Variants in SEL1L3 observed in about 807,000 individuals in gnomAD.
SEL1L3 encodes the protein protein sel-1 homolog 3.
A neutral mutation model predicts 142.8 loss-of-function variants in SEL1L3; 76 were observed. The observed-to-expected ratio is 0.53, with a 90% CI of 0.44 to 0.64. SEL1L3 has a LOEUF of 0.64. SEL1L3 is among the 30% of genes least tolerant of loss of function. SEL1L3 has a pLI of 0.00. For missense variants in SEL1L3, 1,262 were observed against 1,381.7 expected (o/e 0.91, Z 1.37); for synonymous variants, 504 against 519.6 (o/e 0.97, Z 0.41).
intron 2 of SEL1L3, among the ~76,000 whole-genome samples, chr4:25,839,520 A>C (rs1716039793): frequency 6.6e-6 from 1 of 152,244 alleles, no homozygotes; most frequent in Admixed American, 6.5e-5. Context: ...TGAGGTCGGC[A>C]GCATGTCCTG....
intron 23 of SEL1L3, chr4:25,756,286 C>T (rs1717953093): frequency 4.1e-6 from 4 of 985,152 alleles, no homozygotes; most frequent in South Asian, 4.7e-5. Flanking sequence ...AGACCGGAGT[C>T]GTCTGTGGGT....
At chr4:25,726,357 G>A in the SEL1L3 span, among the ~76,000 whole-genome samples, 3 of 151,748 alleles carry the variant, frequency 2.0e-5, no homozygotes, top group East Asian at 1.9e-4. Flanking sequence ...GTGAAACCCC[G>A]TCTCTACTAA....
chr4:25,807,360 T>C (rs1713660524), intron 9 of SEL1L3, among the ~76,000 whole-genome samples: 2 of 152,196 alleles, frequency 1.3e-5, no homozygotes, highest in African/African-American at 4.8e-5. Context: ...GCCTGCGGAA[T>C]CTTGTCTTGG....
intron 8 of SEL1L3, among the ~76,000 whole-genome samples, chr4:25,818,964 C>T (rs1480945917): frequency 2.6e-5 from 4 of 152,098 alleles, no homozygotes; most frequent in Non-Finnish European, 5.9e-5. Context: ...AGATGCATCC[C>T]TCCCTCCACG....
chr4:25,829,578 C>T (rs1715312075), intron 6 of SEL1L3, among the ~76,000 whole-genome samples: 1 of 152,160 alleles, frequency 6.6e-6, no homozygotes, highest in South Asian at 2.1e-4. Context: ...TTATGAAACA[C>T]AGGCAGGAAA....
intron 12 of SEL1L3, among the ~76,000 whole-genome samples, chr4:25,789,048 A>G (rs1305281604): frequency 6.6e-6 from 1 of 152,180 alleles, no homozygotes. Flanking sequence ...TCCCAGAGCT[A>G]TACATTGGAA....
downstream of SEL1L3, among the ~76,000 whole-genome samples, chr4:25,742,773 T>C (rs1274461558): frequency 1.3e-5 from 2 of 152,204 alleles, no homozygotes; most frequent in South Asian, 2.1e-4. Context: ...TTTTTTTAAA[T>C]TGGCATTTTG....
At chr4:25,863,056 C>G (rs1456125250), upstream of SEL1L3, 3 of 142,706 alleles carry the variant, frequency 2.1e-5, no homozygotes, top group Non-Finnish European at 3.0e-5. Context: ...TCCCCGTCCC[C>G]GTCCCCTCCC....
intron 7 of SEL1L3, among the ~76,000 whole-genome samples, chr4:25,820,386 T>G (rs1356486204): frequency 6.6e-6 from 1 of 152,234 alleles, no homozygotes; most frequent in Non-Finnish European, 1.5e-5. Context: ...GCCCCCCTAG[T>G]GGCTCACCCC....
intron 13 of SEL1L3, among the ~76,000 whole-genome samples, chr4:25,787,944 G>T (rs150367216): frequency 1.3e-5 from 2 of 152,206 alleles, no homozygotes; most frequent in Admixed American, 1.3e-4. Context: ...GCGGCTGAGC[G>T]CCAATCAATA....
chr4:25,793,015 G>T (rs1006500647), intron 11 of SEL1L3, among the ~76,000 whole-genome samples: 3 of 152,184 alleles, frequency 2.0e-5, no homozygotes, highest in Non-Finnish European at 4.4e-5. Flanking sequence ...GATGTGCCAG[G>T]CACTGTCCTA....
At chr4:25,841,978 C>G (rs539835763) in intron 2 of SEL1L3, among the ~76,000 whole-genome samples, 1 of 152,026 alleles carries the variant, frequency 6.6e-6, no homozygotes, top group South Asian at 2.1e-4. Context: ...TAGATAACCA[C>G]GTAAACCACA....
intron 17 of SEL1L3, among the ~76,000 whole-genome samples, chr4:25,768,547 A>G (rs1208904086): frequency 2.0e-5 from 3 of 152,222 alleles, no homozygotes; most frequent in Non-Finnish European, 2.9e-5. Flanking sequence ...AAGAATGTAC[A>G]TACCATGTGG....
At chr4:25,845,662 T>C (rs1240597602) in intron 2 of SEL1L3, among the ~76,000 whole-genome samples, 1 of 151,576 alleles carries the variant, frequency 6.6e-6, no homozygotes, top group Non-Finnish European at 1.5e-5. Flanking sequence ...CCCCCAAAGA[T>C]AGCCCAACAG....
intron 9 of SEL1L3, 112 bp downstream of exon 9, chr4:25,818,026 C>G: frequency 8.9e-7 from 1 of 1,121,332 alleles, no homozygotes; most frequent in South Asian, 1.6e-5. Context: ...AACTAAAACA[C>G]TAGGGTTAAA....
the SEL1L3 span, among the ~76,000 whole-genome samples, chr4:25,736,033 G>A: frequency 3.5e-3 from 531 of 151,696 alleles, 3 homozygotes; most frequent in Middle Eastern, 0.014. Flanking sequence ...GTTTCACCGT[G>A]TTAGCCAGGA....
the SEL1L3 span, among the ~76,000 whole-genome samples, chr4:25,717,847 A>G: frequency 2.6e-5 from 4 of 152,204 alleles, no homozygotes; most frequent in African/African-American, 9.6e-5. Context: ...TAGCTAGAAG[A>G]TTAACTAAGA....
intron 20 of SEL1L3, chr4:25,759,643 T>G (rs1718240049): frequency 6.5e-6 from 1 of 154,098 alleles, no homozygotes; most frequent in African/African-American, 2.4e-5. Context: ...TACCTCTTCC[T>G]CTGACACCTT....
chr4:25,773,088 C>T (rs938023883), intron 17 of SEL1L3, among the ~76,000 whole-genome samples: 18 of 152,216 alleles, frequency 1.2e-4, no homozygotes, highest in South Asian at 4.1e-4. Flanking sequence ...TGCACCACCA[C>T]GCCCAGCAAG....
Sources: allele counts gnomAD v4.1 joint callset (sites outside exome capture counted in the v4.1 genomes callset), GRCh38; gene constraint gnomAD v4.1.1; transcripts MANE v1.5; gene names NCBI Gene and HGNC (gene_info 2026-07-23, HGNC 2026-07-21).